The following GRIN2A variants were observed in gnomAD, a reference collection of about 807,000 sequenced individuals.
GRIN2A encodes the protein glutamate receptor ionotropic, NMDA 2A.
A neutral mutation model predicts 113.4 loss-of-function variants in GRIN2A; 22 were observed. The ratio of observed to expected loss-of-function variants is 0.19; its 90% CI spans 0.14 to 0.28. GRIN2A has a LOEUF of 0.28. Ranked by LOEUF, GRIN2A falls within the 10% of genes least tolerant of loss-of-function variation. The pLI is 1.00. For missense variants in GRIN2A, 1,502 were observed against 1,887.0 expected, an observed-to-expected ratio of 0.80 and a Z score of 3.78; for synonymous variants, 827 against 738.4, an observed-to-expected ratio of 1.12 and a Z score of -1.94.
intron 2 of GRIN2A, among the ~76,000 whole-genome samples, chr16:10,044,562 A>G (rs1308105033): frequency 2.0e-5 from 3 of 151,440 alleles, no homozygotes; most frequent in Non-Finnish European, 4.4e-5. Flanking sequence ...TCTTTAATAT[A>G]CATCCTATTG....
intron 2 of GRIN2A, among the ~76,000 whole-genome samples, chr16:9,971,100 G>C (rs2045661077): frequency 6.6e-6 from 1 of 152,192 alleles, no homozygotes; most frequent in Non-Finnish European, 1.5e-5. Flanking sequence ...AATAAGAGCA[G>C]ACAGTATGAG....
At chr16:10,087,168 C>T (rs1292584566) in intron 2 of GRIN2A, among the ~76,000 whole-genome samples, 1 of 152,210 alleles carries the variant, frequency 6.6e-6, no homozygotes, top group African/African-American at 2.4e-5. Context: ...GAAAGTTAAC[C>T]TCTCTGAGCC....
chr16:9,970,725 G>T, intron 2 of GRIN2A: 1 of 948,572 alleles, frequency 1.1e-6, no homozygotes, highest in Non-Finnish European at 1.3e-6. Flanking sequence ...AATAAATAAA[G>T]CAGGCAGAGT....
intron 4 of GRIN2A, among the ~76,000 whole-genome samples, chr16:9,867,921 C>A (rs1338251085): frequency 6.6e-6 from 1 of 152,062 alleles, no homozygotes; most frequent in Non-Finnish European, 1.5e-5. Flanking sequence ...CTACTGCCTC[C>A]GAGAAACCTC....
At chr16:10,066,775 C>A (rs1033108353) in intron 2 of GRIN2A, among the ~76,000 whole-genome samples, 2 of 152,130 alleles carry the variant, frequency 1.3e-5, no homozygotes, top group Admixed American at 6.5e-5. Flanking sequence ...CAGCATGGTG[C>A]CCAGCTCAGC....
Position 10,155,243 on chromosome 16 carries a change from T to G in GRIN2A, c.414+24755A>C, listed in dbSNP as rs79466014. On this transcript the variant is annotated intron_variant, in intron 2 of 12. Coordinates refer to ENST00000330684, the MANE Select transcript of GRIN2A (RefSeq NM_001134407.3). The stretch of plus-strand genomic sequence containing the variant: ...AATCAGGGATTTGTGCAGCCAGGAG[T>G]TTACATTTTATCTGAAGGCAATGCA... Among the ~76,000 whole-genome samples the G allele has an allele frequency of 9.0e-3, 1,368 of 152,112 alleles. 30 individuals are homozygous for G. Among genetic ancestry groups the G allele is most frequent in the African/African-American group, 0.032 (1,320 of 41,500 alleles).
chr16:9,870,541 A>G (rs1487969894), intron 4 of GRIN2A, among the ~76,000 whole-genome samples: 1 of 152,078 alleles, frequency 6.6e-6, no homozygotes, highest in Non-Finnish European at 1.5e-5. Flanking sequence ...TCACTTGACC[A>G]TCACAGCAGA....
intron 2 of GRIN2A, among the ~76,000 whole-genome samples, chr16:10,091,058 G>T (rs2048175262): frequency 6.6e-6 from 1 of 152,174 alleles, no homozygotes; most frequent in Admixed American, 6.5e-5. Context: ...TGTTGGCAAG[G>T]ATTCACAGAA....
chr16:9,971,687 T>C (rs1300916074), intron 2 of GRIN2A, among the ~76,000 whole-genome samples: 1 of 152,052 alleles, frequency 6.6e-6, no homozygotes, highest in Non-Finnish European at 1.5e-5. Flanking sequence ...ATCTGAAAAA[T>C]AGTTCCAGCA....
rs1325032512 is a variant in GRIN2A at position 9,763,672 on chromosome 16, G to C, written c.3872C>G (p.Ser1291Cys). ...KNKLRISRQH[S>C]YDNIVDKPRE... ...AGGTTTGTCGACAATGTTATCGTAG[G>C]AATGCTGACGGCTAATCCTTAGCTT... Residue 1291 changes from serine to cysteine, a missense_variant, in exon 13 of 13, where the codon TCC becomes TGC. Transcript: ENST00000330684. 1 of 1,613,642 alleles carries C rather than the reference G, an allele frequency of 6.2e-7. No homozygotes were observed. The highest frequency in any genetic ancestry group is 1.3e-5 in the African/African-American group (1 of 74,902).
rs899626852 is a variant in GRIN2A at position 9,755,151 on chromosome 16, G to A, written c.*7998C>T. 1 of 194,978 alleles carries A rather than the reference G, an allele frequency of 5.1e-6. No individual in the cohort carries two copies. 12.1% of individuals were successfully genotyped at this position (194,978 alleles called of 1,614,324 possible). On this transcript the variant is annotated 3_prime_UTR_variant, in exon 13 of 13. Transcript: ENST00000330684. ...GACATAGTAAGTAAGAGAATTATGA[G>A]TGATAATCTCAGTTTTGTCTTCTTC...
chr16:10,034,535 C>CAAAAAAAAAAAA (rs58076569), intron 2 of GRIN2A, among the ~76,000 whole-genome samples: 7 of 36,416 alleles, frequency 1.9e-4, no homozygotes, highest in African/African-American at 4.5e-4. Flanking sequence ...CAAAAAAAAG[C>CAAAAAAAAAAAA]AAAAAAAAAA....
chr16:10,149,037 C>G (rs1263437805), intron 2 of GRIN2A, among the ~76,000 whole-genome samples: 1 of 152,104 alleles, frequency 6.6e-6, no homozygotes, highest in Non-Finnish European at 1.5e-5. Context: ...AACCCACAGA[C>G]AGAGAGAGTA....
rs565670537 is a variant in GRIN2A, at chr16:9,879,324, A to T, written c.1122+11662T>A. 7.9e-5 allele frequency among the ~76,000 whole-genome samples: 12 copies of T among 152,322 alleles called. No individual in the cohort carries two copies. In the South Asian group the frequency reaches 2.1e-3, roughly 26 times the overall value. On this transcript the variant is annotated intron_variant, in intron 4 of 12. Coordinates refer to ENST00000330684, the MANE Select transcript of GRIN2A (RefSeq NM_001134407.3). Reference sequence around the variant, plus strand: ...AAGGAGGATGACAGGGAAGGATGAGAGATGAACAATGTCATTTACAGGCAT... The same window carrying T: ...AAGGAGGATGACAGGGAAGGATGAGTGATGAACAATGTCATTTACAGGCAT...
chr16:10,148,526 C>A (rs1271444703), intron 2 of GRIN2A, among the ~76,000 whole-genome samples: 1 of 152,188 alleles, frequency 6.6e-6, no homozygotes, highest in Non-Finnish European at 1.5e-5. Context: ...ATCTAGCCAA[C>A]CTGTTTGATA....
chr16:9,979,785 C>CTATAAATATATATATATATATATATATA (rs2045852808), intron 2 of GRIN2A, among the ~76,000 whole-genome samples: 1 of 122,348 alleles, frequency 8.2e-6, no homozygotes, highest in Non-Finnish European at 1.7e-5. Flanking sequence ...GACTATGGGA[C>CTATAAATATATATATATATATATATATA]TATATATATA....
chr16:10,005,476 T>A (rs187275889), intron 2 of GRIN2A, among the ~76,000 whole-genome samples: 2 of 152,282 alleles, frequency 1.3e-5, no homozygotes, highest in Admixed American at 1.3e-4. Context: ...CAAAACCAAA[T>A]TTTATAGGGG....
intron 2 of GRIN2A, among the ~76,000 whole-genome samples, chr16:10,174,200 A>G (rs1177653226): frequency 6.6e-6 from 1 of 152,160 alleles, no homozygotes; most frequent in African/African-American, 2.4e-5. Context: ...TGGTGCTGGA[A>G]CATCTGCACC....
At chr16:10,043,022 C>T (rs2047193137) in intron 2 of GRIN2A, among the ~76,000 whole-genome samples, 1 of 152,194 alleles carries the variant, frequency 6.6e-6, no homozygotes, top group Admixed American at 6.5e-5. Context: ...TAAGTTTATA[C>T]ATCGTATAAT....
Sources: allele counts gnomAD v4.1 joint callset (sites outside exome capture counted in the v4.1 genomes callset), GRCh38; gene constraint gnomAD v4.1.1; transcripts MANE v1.5; gene names NCBI Gene and HGNC (gene_info 2026-07-23, HGNC 2026-07-21).